The following ATAD5 variants were observed in gnomAD, a reference collection of about 807,000 sequenced individuals.
ATAD5 encodes the protein ATPase family AAA domain containing 5, also known as ATPase family AAA domain-containing protein 5.
In ATAD5, 58 loss-of-function variants were observed where a neutral mutation model predicts 176.9. The observed-to-expected ratio is 0.33, with a 90% CI of 0.27 to 0.41. The LOEUF (loss-of-function observed/expected upper bound fraction) is 0.41. Among genes scored for constraint, ATAD5 ranks in the 10% least tolerant of loss-of-function variants. The pLI is 1.00. For missense variants in ATAD5, 1,789 were observed against 2,094.1 expected (o/e 0.85, Z 2.84); for synonymous variants, 640 against 712.6 (o/e 0.90, Z 1.62).
Position 30,878,776 on chromosome 17 carries a change from G to A in ATAD5, c.4013-647G>A, listed in dbSNP as rs1261851188. The stretch of plus-strand genomic sequence containing the variant: ...AGACAGAGTCTCACTCTGTTGCCCA[G>A]GCTGGAGTGCAATGGTACCATCTTG... On this transcript the variant is annotated intron_variant, in intron 17 of 22. Coordinates refer to ENST00000321990, the MANE Select transcript of ATAD5 (RefSeq NM_024857.5). Among the ~76,000 whole-genome samples the A allele has an allele frequency of 2.5e-5, 3 of 118,550 alleles. No individual in the cohort carries two copies. In the Admixed American group the frequency reaches 3.5e-4, roughly 14 times the overall value. 77.8% of individuals were successfully genotyped at this position (118,550 alleles called of 152,430 possible).
chr17:30,836,518 T>C (rs1320241731), intron 2 of ATAD5, among the ~76,000 whole-genome samples: 1 of 152,022 alleles, frequency 6.6e-6, no homozygotes, highest in African/African-American at 2.4e-5. Context: ...CTTCTTTGTT[T>C]GCCACATGTA....
At chr17:30,855,717 G>T (rs907073331) in intron 7 of ATAD5, among the ~76,000 whole-genome samples, 1 of 151,844 alleles carries the variant, frequency 6.6e-6, no homozygotes, top group Non-Finnish European at 1.5e-5. Context: ...AAATTTGCTG[G>T]GCATGACGGT....
At chr17:30,871,277 G>T (rs983482544) in intron 14 of ATAD5, among the ~76,000 whole-genome samples, 4 of 149,548 alleles carry the variant, frequency 2.7e-5, no homozygotes, top group Non-Finnish European at 5.9e-5. Context: ...CTTTCCTGTA[G>T]GTTTTTGAAC....
intron 11 of ATAD5, among the ~76,000 whole-genome samples, chr17:30,866,388 G>A (rs1409155638): frequency 6.7e-6 from 1 of 150,354 alleles, no homozygotes; most frequent in East Asian, 2.0e-4. Flanking sequence ...GGTAGAGACA[G>A]TTTCGCCATG....
rs368295774 is a variant in ATAD5, at chr17:30,879,402, TG to T, written c.4013-20del. 0.025 allele frequency: 24,874 copies of T among 988,006 alleles called. 4 individuals are homozygous for T. Among genetic ancestry groups the T allele is most frequent in the African/African-American group, 0.04 (2,248 of 55,642 alleles). The allele number at this position is 988,006 out of a possible 1,614,324, so 61.2% of individuals were successfully genotyped here. A position where few individuals can be genotyped will look rare whatever the true frequency, so the allele number is the denominator to read the frequency against. The stretch of plus-strand genomic sequence containing the variant: ...TTAGTGTTTAAGAATTTTTTTTTTT[TG>T]TGTGTGTGTGTGTGTGTAGACCCAA... On this transcript the variant is annotated intron_variant, in intron 17 of 22. Coordinates refer to ENST00000321990, the MANE Select transcript of ATAD5 (RefSeq NM_024857.5).
intron 12 of ATAD5, among the ~76,000 whole-genome samples, 170 bp from the exon 13 acceptor site, chr17:30,869,078 A>G (rs1365698083): frequency 2.0e-5 from 3 of 151,940 alleles, no homozygotes; most frequent in African/African-American, 7.2e-5. Flanking sequence ...TGCCCGCCTC[A>G]GCTTCCCAAA....
intron 15 of ATAD5, 126 bp from the exon 16 acceptor site, chr17:30,877,290 T>G: frequency 4.5e-5 from 30 of 671,004 alleles, no homozygotes; most frequent in Non-Finnish European, 6.9e-5. Flanking sequence ...ATTACAGGCA[T>G]GAGCCACCGC....
At chr17:30,891,842 C>T (rs999810922) in intron 19 of ATAD5, among the ~76,000 whole-genome samples, 14 of 151,758 alleles carry the variant, frequency 9.2e-5, no homozygotes, top group East Asian at 2.0e-4. Flanking sequence ...TGCGTCACCA[C>T]GCCTGGCTAA....
chr17:30,877,419 TA>T lies in ATAD5; in HGVS notation c.3794del (p.Asn1265IlefsTer45). On this transcript the variant is annotated frameshift_variant, in exon 16 of 23. Transcript: ENST00000321990. LOFTEE classifies it high-confidence loss of function. ...IGMLLENNKG[I>X]KNSFEQKQIT... ...TATTAATATTGTATTTATGCAGGAA[TA>T]AAAAATTCTTTTGAACAGAAACAAA... The T allele has an allele frequency of 6.7e-7, 1 of 1,485,660 alleles. No homozygotes were observed. The highest frequency in any genetic ancestry group is 9.3e-7 in the Non-Finnish European group (1 of 1,078,162). The allele number at this position is 1,485,660 out of a possible 1,614,324, so 92.0% of individuals were successfully genotyped here. A position where few individuals can be genotyped will look rare whatever the true frequency, so the allele number is the denominator to read the frequency against.
rs1909703905 is a variant in ATAD5 at position 30,892,721 on chromosome 17, G to C, written c.4373G>C (p.Cys1458Ser). 1 of 1,594,788 alleles carries C rather than the reference G, an allele frequency of 6.3e-7. No individual in the cohort carries two copies. Among genetic ancestry groups the C allele is most frequent in the African/African-American group, 1.3e-5 (1 of 74,112 alleles). ...RVDLPKCDSG[C>S]AETLFGLKNI... ...GACCTTCCAAAATGTGACAGTGGCT[G>C]TGCTGAGACCTTGTTTGGCCTTAAG... Residue 1458 changes from cysteine to serine, a missense_variant, in exon 20 of 23, where the codon TGT becomes TCT. Coordinates refer to ENST00000321990, the MANE Select transcript of ATAD5 (RefSeq NM_024857.5).
In ATAD5 at chr17:30,859,907, A is replaced by G. The variant is rs1019720979; in HGVS notation, c.2957-526A>G. ...CCTGGCTAATTTTTGTATTTTTAGTAGAGATGGGGTTTCAACATGTTGGCC... is the reference window on the plus strand; with the variant it reads ...CCTGGCTAATTTTTGTATTTTTAGTGGAGATGGGGTTTCAACATGTTGGCC... On this transcript the variant is annotated intron_variant, in intron 9 of 22. Transcript: ENST00000321990. 2.7e-5 allele frequency among the ~76,000 whole-genome samples: 4 copies of G among 146,930 alleles called. 1 individual carries two copies. The highest frequency in any genetic ancestry group is 5.0e-5 in the African/African-American group (2 of 40,284).
chr17:30,894,259 C>T (rs62070652), intron 21 of ATAD5, 109 bp downstream of exon 21: 241,753 of 984,766 alleles, frequency 0.25, 31,340 homozygotes, highest in Non-Finnish European at 0.27. Flanking sequence ...CATGGTAAGC[C>T]CTTAACATTA....
At chr17:30,864,369 A>C (rs1193200219) in intron 10 of ATAD5, 2 of 152,202 alleles carry the variant, frequency 1.3e-5, no homozygotes, top group Non-Finnish European at 2.9e-5. Context: ...TTTTCAACTC[A>C]AGGGGCACAT....
chr17:30,834,394 T>G lies in ATAD5; in HGVS notation c.313T>G (p.Phe105Val), dbSNP rs1283084522. The change falls in exon 2 of 23, where the codon TTC becomes GTC. Residue 105 changes from phenylalanine (F) to valine (V), a missense_variant. Phe to Val is a conservative substitution (Grantham distance 50). Transcript: ENST00000321990. ...NKDCTTPLEM[F>V]SNVEFKKKRK... is the part of the protein sequence containing the mutation. ...AGACTGTACGACACCTTTGGAAATG[T>G]TCTCAAATGTAGAGTTTAAGAAGAA... is the stretch of plus-strand genomic sequence containing the variant. 2 of 1,603,326 alleles carry G rather than the reference T, an allele frequency of 1.2e-6. No homozygotes were observed. The highest frequency in any genetic ancestry group is 1.7e-6 in the Non-Finnish European group (2 of 1,176,340).
chr17:30,864,583 C>G (rs570415907), intron 10 of ATAD5: 1 of 152,178 alleles, frequency 6.6e-6, no homozygotes, highest in Non-Finnish European at 1.5e-5. Flanking sequence ...AGGCCAATCC[C>G]GATCTCTTGG....
At position 30,834,975 on chromosome 17, in the gene ATAD5, A is replaced by C; in HGVS notation, c.894A>C (p.Glu298Asp). ...SICVPSETVD[E>D]IVKSGYISES... is the part of the protein sequence containing the mutation. ...GTGTTCCTTCTGAAACTGTCGACGA[A>C]ATAGTCAAAAGTGGTTATATAAGTG... Residue 298 changes from glutamate (E) to aspartate (D), a missense_variant, in exon 2 of 23, where the codon GAA becomes GAC. This residue lies in a region of ATAD5 where 696 missense variants were observed against 712.5 expected (regional missense o/e 0.98). Coordinates refer to ENST00000321990, the MANE Select transcript of ATAD5 (RefSeq NM_024857.5). The C allele has an allele frequency of 6.2e-7, 1 of 1,614,118 alleles. No homozygotes were observed. Among genetic ancestry groups the C allele is most frequent in the Non-Finnish European group, 8.5e-7 (1 of 1,179,990 alleles).
intron 1 of ATAD5, 93 bp downstream of exon 1, chr17:30,832,506 A>T: frequency 7.7e-7 from 1 of 1,299,892 alleles, no homozygotes; most frequent in Non-Finnish European, 1.0e-6. Flanking sequence ...TGACTTTGTA[A>T]GGGGAAAGGT....
intron 14 of ATAD5, among the ~76,000 whole-genome samples, chr17:30,874,253 A>T (rs1042120521): frequency 6.6e-6 from 1 of 151,270 alleles, no homozygotes; most frequent in African/African-American, 2.4e-5. Flanking sequence ...AAGAAAAATA[A>T]GGACAAAGGC....
rs749527073 is a variant in ATAD5 at position 30,894,024 on chromosome 17, T to C, written c.5171T>C (p.Ile1724Thr). 4 of 1,613,450 alleles carry C rather than the reference T, an allele frequency of 2.5e-6. No individual in the cohort carries two copies. The highest frequency in any genetic ancestry group is 1.7e-5 in the Admixed American group (1 of 59,976). Residue 1724 changes from isoleucine (I) to threonine (T), a missense_variant, in exon 21 of 23, where the codon ATT (isoleucine) becomes ACT (threonine). This residue lies in a region of ATAD5 where 403 missense variants were observed against 495.1 expected (regional missense o/e 0.81). Transcript: ENST00000321990. ...ALSFTKCSSA[I>T]SKALETLNSC... ...AGCTTTACTAAATGTTCTTCTGCTA[T>C]TTCAAAAGCATTGGAAACCTTGAAT... is the stretch of plus-strand genomic sequence containing the variant.
Sources: gnomAD v4.1 joint callset for allele counts (sites outside exome capture counted in the v4.1 genomes callset) on GRCh38, gnomAD v4.1.1 for gene constraint, gnomAD v4.1.1 regional missense constraint, MANE v1.5 for transcripts, NCBI Gene and HGNC (gene_info 2026-07-23, HGNC 2026-07-21) for gene names.